The following MAP4 variants were observed in gnomAD, a reference collection of about 807,000 sequenced individuals.
The protein encoded by MAP4 is microtubule associated protein 4.
A neutral mutation model predicts 170.2 loss-of-function variants in MAP4; 76 were observed. The ratio of observed to expected loss-of-function variants is 0.45; its 90% confidence interval spans 0.37 to 0.54. The LOEUF (loss-of-function observed/expected upper bound fraction) is 0.54, where lower values mean the gene tolerates loss of function less well. Ranked by LOEUF, MAP4 falls within the 20% of genes least tolerant of loss-of-function variation. MAP4 has a pLI of 0.00. For synonymous variants in MAP4, 909 were observed against 994.5 expected, an observed-to-expected ratio of 0.91 and a Z score of 1.62; for missense variants, 2,506 against 2,748.0, an observed-to-expected ratio of 0.91 and a Z score of 1.97.
At chr3:47,856,253 G>C (rs928130159) in intron 18 of MAP4, among the ~76,000 whole-genome samples, 21 of 152,148 alleles carry the variant, frequency 1.4e-4, no homozygotes, top group Non-Finnish European at 3.1e-4. Context: ...GAGGTCTCCC[G>C]GTGTCCCATA....
At chr3:47,976,749 T>C (rs749885639) in intron 3 of MAP4, among the ~76,000 whole-genome samples, 19 of 152,214 alleles carry the variant, frequency 1.2e-4, no homozygotes, top group Non-Finnish European at 2.1e-4. Context: ...AGTAAAGAGT[T>C]CCTAATTTAT....
intron 2 of MAP4, among the ~76,000 whole-genome samples, chr3:47,985,251 GT>G (rs2100087942): frequency 6.6e-6 from 1 of 151,960 alleles, no homozygotes; most frequent in African/African-American, 2.4e-5. Flanking sequence ...CTGCACTCCA[GT>G]CTGGGCAACA....
At chr3:48,060,531 T>A (rs2100134623) in intron 1 of MAP4, among the ~76,000 whole-genome samples, 1 of 152,104 alleles carries the variant, frequency 6.6e-6, no homozygotes, top group African/African-American at 2.4e-5. Flanking sequence ...AAAATTCTGA[T>A]CTGCAAAATA....
At chr3:47,866,761 C>T (rs1216858297) in intron 17 of MAP4, among the ~76,000 whole-genome samples, 2 of 152,040 alleles carry the variant, frequency 1.3e-5, no homozygotes, top group Non-Finnish European at 2.9e-5. Flanking sequence ...CTCAAAAAAA[C>T]GTGGGGAAGG....
At chr3:48,079,933 G>A (rs1485571845) in intron 1 of MAP4, among the ~76,000 whole-genome samples, 2 of 149,504 alleles carry the variant, frequency 1.3e-5, no homozygotes, top group Non-Finnish European at 2.9e-5. Flanking sequence ...CTGGGCAAAA[G>A]AGTGAGACTC....
At chr3:47,923,930 C>T (rs372960853) in intron 4 of MAP4, among the ~76,000 whole-genome samples, 115 of 152,210 alleles carry the variant, frequency 7.6e-4, no homozygotes, top group African/African-American at 2.7e-3. Flanking sequence ...TGGGATAGCT[C>T]GCTGCTTGCT....
chr3:47,928,445 AT>A, intron 3 of MAP4, 95 bp from the exon 4 acceptor site: 1 of 1,277,870 alleles, frequency 7.8e-7, no homozygotes, highest in Non-Finnish European at 1.1e-6. Context: ...CTAGTACAAT[AT>A]AAAAAATCCT....
intron 2 of MAP4, among the ~76,000 whole-genome samples, chr3:47,984,150 C>T (rs111811322): frequency 6.6e-6 from 1 of 152,166 alleles, no homozygotes; most frequent in African/African-American, 2.4e-5. Flanking sequence ...ACCACCACAC[C>T]CAGTTAATTT....
At chr3:47,908,220 G>A (rs1319341446) in intron 9 of MAP4, among the ~76,000 whole-genome samples, 2 of 151,948 alleles carry the variant, frequency 1.3e-5, no homozygotes, top group African/African-American at 4.8e-5. Flanking sequence ...AATTGGGGGT[G>A]GGGGGAAACG....
chr3:48,017,228 G>T (rs951378975), upstream of MAP4, among the ~76,000 whole-genome samples: 10 of 152,198 alleles, frequency 6.6e-5, no homozygotes, highest in East Asian at 5.8e-4. Flanking sequence ...ACCAAAAACA[G>T]AAGCAGAGCG....
intron 1 of MAP4, among the ~76,000 whole-genome samples, chr3:48,053,882 T>A (rs569431447): frequency 6.6e-6 from 1 of 152,354 alleles, no homozygotes; most frequent in African/African-American, 2.4e-5. Flanking sequence ...GAAAAATATG[T>A]ATATATATTC....
intron 1 of MAP4, among the ~76,000 whole-genome samples, chr3:48,073,252 TACACACAC>T (rs35163339): frequency 0.064 from 8,619 of 134,374 alleles, 408 homozygotes; most frequent in Admixed American, 0.15. Context: ...TCCAAAGGAA[TACACACAC>T]ACACACACAC....
intron 1 of MAP4, among the ~76,000 whole-genome samples, chr3:48,071,548 CAAG>C (rs1361007582): frequency 6.6e-6 from 1 of 151,826 alleles, no homozygotes; most frequent in African/African-American, 2.4e-5. Context: ...AGACCCATCT[CAAG>C]AAAAAAAGAA....
At chr3:48,044,847 G>A (rs1268661536) in intron 1 of MAP4, among the ~76,000 whole-genome samples, 1 of 152,090 alleles carries the variant, frequency 6.6e-6, no homozygotes, top group Admixed American at 6.6e-5. Context: ...TACTCGGGAG[G>A]CTGAGGCAGG....
intron 2 of MAP4, among the ~76,000 whole-genome samples, chr3:47,983,046 AGGC>A (rs1446453000): frequency 1.3e-5 from 2 of 152,118 alleles, no homozygotes; most frequent in Admixed American, 6.5e-5. Flanking sequence ...CTGGGACTAC[AGGC>A]GTGCGCCACC....
intron 2 of MAP4, among the ~76,000 whole-genome samples, chr3:47,983,403 T>G (rs1280197866): frequency 6.6e-6 from 1 of 151,950 alleles, no homozygotes. Context: ...TTTATTTAAT[T>G]TGAGACTGAG....
In MAP4 at chr3:47,855,177, G is replaced by A. The variant is rs2052897831; in HGVS notation, c.6696+71C>T. On this transcript the variant is annotated intron_variant, in intron 19 of 20. Transcript: ENST00000683076. The surrounding 1 kb of genome is among the most constrained non-coding windows in gnomAD (Gnocchi z 5.1). ...GGGGCGGTGACAGGTGCCTACCTGT[G>A]AGGACCCTGACCCTAACTGCATAGT... 1.1e-5 allele frequency: 11 copies of A among 1,047,424 alleles called. No individual in the cohort carries two copies. The highest frequency in any genetic ancestry group is 9.0e-5 in the South Asian group (7 of 77,472). 64.9% of individuals were successfully genotyped at this position (1,047,424 alleles called of 1,614,324 possible).
At chr3:48,042,964 G>T (rs1199687547) in intron 1 of MAP4, among the ~76,000 whole-genome samples, 1 of 152,092 alleles carries the variant, frequency 6.6e-6, no homozygotes, top group Admixed American at 6.6e-5. Flanking sequence ...GTTGCCTGGG[G>T]CTTGGGGTTT....
intron 1 of MAP4, among the ~76,000 whole-genome samples, chr3:48,083,976 C>A (rs540642595): frequency 6.6e-6 from 1 of 151,996 alleles, no homozygotes; most frequent in Non-Finnish European, 1.5e-5. Context: ...CCCCCTGCCT[C>A]GGCCTCCCAA....
Sources: allele counts gnomAD v4.1 joint callset (sites outside exome capture counted in the v4.1 genomes callset), GRCh38; gene constraint gnomAD v4.1.1; non-coding constraint Gnocchi (gnomAD v3.1); transcripts MANE v1.5; gene names NCBI Gene and HGNC (gene_info 2026-07-23, HGNC 2026-07-21).